The following ARHGEF12 variants were observed in gnomAD, a reference collection of about 807,000 sequenced individuals.
ARHGEF12 encodes the protein Rho guanine nucleotide exchange factor 12, also known as KMT2A/ARHGEF12 fusion protein.
ARHGEF12 carries 66 observed loss-of-function variants against 211.2 expected under a neutral mutation model. The observed-to-expected ratio is 0.31, with a 90% CI of 0.26 to 0.38. ARHGEF12 has a LOEUF of 0.38. Ranked by LOEUF, ARHGEF12 falls within the 10% of genes least tolerant of loss-of-function variation. The pLI, the probability that ARHGEF12 is intolerant of heterozygous loss-of-function variation, is 1.00. For missense variants in ARHGEF12, 1,429 were observed against 1,869.5 expected (o/e 0.76, Z 4.34); for synonymous variants, 592 against 638.4 (o/e 0.93, Z 1.09).
At position 120,431,895 on chromosome 11, in the gene ARHGEF12, G is replaced by C. The variant is rs751987560; in HGVS notation, c.908G>C (p.Ser303Thr). The change falls in exon 11 of 41, where the codon AGT becomes ACT. Residue 303 changes from serine (S) to threonine (T), a missense_variant. Physicochemically the swap from Ser to Thr is moderately conservative, Grantham distance 58 (BLOSUM62 1). Coordinates refer to ENST00000397843, the MANE Select transcript of ARHGEF12 (RefSeq NM_015313.3). ...DCSSGDASRP[S>T]SDNADSPKSG... ...AGCAGTGGAGATGCTTCTCGGCCCAGTAGTGACAATGCAGATGTAAGCTTT... is the reference window on the plus strand; with the variant it reads ...AGCAGTGGAGATGCTTCTCGGCCCACTAGTGACAATGCAGATGTAAGCTTT... 6.2e-7 allele frequency: 1 copy of C among 1,604,282 alleles called. No homozygotes were observed. Among genetic ancestry groups the C allele is most frequent in the Non-Finnish European group, 8.5e-7 (1 of 1,176,908 alleles).
intron 30 of ARHGEF12, among the ~76,000 whole-genome samples, chr11:120,472,187 C>T (rs995482617): frequency 5.3e-5 from 8 of 152,052 alleles, no homozygotes; most frequent in African/African-American, 1.9e-4. Context: ...ATGAGGAATA[C>T]ATATAGGAAT....
chr11:120,339,945 A>G (rs1251211341), intron 1 of ARHGEF12, among the ~76,000 whole-genome samples: 1 of 152,154 alleles, frequency 6.6e-6, no homozygotes, highest in African/African-American at 2.4e-5. Flanking sequence ...TTAAAACCTA[A>G]AACTCAAACT....
chr11:120,477,041 G>A (rs1171237860), intron 34 of ARHGEF12, 178 bp from the exon 35 acceptor site: 1 of 633,144 alleles, frequency 1.6e-6, no homozygotes, highest in Non-Finnish European at 2.7e-6. Context: ...CGCCTTAATA[G>A]TGTGTTGCCA....
chr11:120,445,967 C>T (rs898449734), intron 16 of ARHGEF12, among the ~76,000 whole-genome samples: 5 of 151,756 alleles, frequency 3.3e-5, no homozygotes, highest in South Asian at 2.1e-4. Context: ...TTTGGGAGGC[C>T]GAGGCGGGTG....
At chr11:120,432,714 T>C (rs1049842659) in intron 11 of ARHGEF12, among the ~76,000 whole-genome samples, 2 of 152,226 alleles carry the variant, frequency 1.3e-5, no homozygotes, top group Non-Finnish European at 1.5e-5. Flanking sequence ...CTTGGGACTT[T>C]TGTTACATAT....
chr11:120,365,019 T>G (rs1036512085), intron 1 of ARHGEF12, among the ~76,000 whole-genome samples: 3 of 152,042 alleles, frequency 2.0e-5, no homozygotes, highest in African/African-American at 7.2e-5. Flanking sequence ...ACTTCTGGAC[T>G]CAAGTGATTC....
chr11:120,372,379 C>A (rs1409189755), intron 1 of ARHGEF12, among the ~76,000 whole-genome samples: 1 of 151,952 alleles, frequency 6.6e-6, no homozygotes, highest in African/African-American at 2.4e-5. Context: ...CCATCTTTAA[C>A]ATTGGCTTGA....
At chr11:120,451,888 CTTAAG>C (rs987473952) in intron 22 of ARHGEF12, among the ~76,000 whole-genome samples, 164 bp downstream of exon 22, 5 of 152,204 alleles carry the variant, frequency 3.3e-5, no homozygotes, top group Non-Finnish European at 1.5e-5. Context: ...CGAATGATAA[CTTAAG>C]TTCTCATTTG....
chr11:120,340,845 G>A (rs1214666544), intron 1 of ARHGEF12, among the ~76,000 whole-genome samples: 1 of 152,300 alleles, frequency 6.6e-6, no homozygotes, highest in East Asian at 1.9e-4. Context: ...CACTTGTACA[G>A]TTTTACATGA....
At chr11:120,347,144 C>CT (rs113711181) in intron 1 of ARHGEF12, among the ~76,000 whole-genome samples, 13,300 of 64,760 alleles carry the variant, frequency 0.21, 1,722 homozygotes, top group African/African-American at 0.36. Context: ...TCCTTCCTTC[C>CT]TTCCTTCCTT....
At chr11:120,418,399 T>C (rs1945091067) in intron 4 of ARHGEF12, among the ~76,000 whole-genome samples, 1 of 152,260 alleles carries the variant, frequency 6.6e-6, no homozygotes, top group South Asian at 2.1e-4. Flanking sequence ...AGTAGTCCTT[T>C]TCTTCCTTCC....
intron 37 of ARHGEF12, 32 bp downstream of exon 37, chr11:120,478,421 T>G: frequency 6.4e-7 from 1 of 1,569,650 alleles, no homozygotes; most frequent in Non-Finnish European, 8.8e-7. Flanking sequence ...TTACAGATAC[T>G]TACTAAGTAT....
At chr11:120,338,499 A>G (rs1403995542) in intron 1 of ARHGEF12, among the ~76,000 whole-genome samples, 1 of 152,226 alleles carries the variant, frequency 6.6e-6, no homozygotes. Flanking sequence ...TAAAGTATTT[A>G]TATTTACTCT....
intron 1 of ARHGEF12, among the ~76,000 whole-genome samples, chr11:120,398,110 C>CAA (rs1472145747): frequency 6.6e-6 from 1 of 152,142 alleles, no homozygotes; most frequent in Non-Finnish European, 1.5e-5. Context: ...AAACGGCAGT[C>CAA]TCATTACTCA....
chr11:120,369,102 A>G (rs965971100), intron 1 of ARHGEF12, among the ~76,000 whole-genome samples: 8 of 148,004 alleles, frequency 5.4e-5, no homozygotes, highest in African/African-American at 1.5e-4. Context: ...CTAAAGTACT[A>G]TATTCTCAAA....
At chr11:120,350,580 T>G (rs1942905122) in intron 1 of ARHGEF12, among the ~76,000 whole-genome samples, 1 of 152,166 alleles carries the variant, frequency 6.6e-6, no homozygotes, top group South Asian at 2.1e-4. Context: ...TAATAATGAT[T>G]AAATTGATCT....
chr11:120,406,090 A>G, intron 1 of ARHGEF12, 28 bp from the exon 2 acceptor site: 1 of 1,515,200 alleles, frequency 6.6e-7, no homozygotes, highest in South Asian at 1.2e-5. Flanking sequence ...AAGTAACTAC[A>G]TCTATCCTTA....
rs564583312 is a variant in ARHGEF12 at position 120,440,058 on chromosome 11, G to A, written c.1000-71G>A. 8.6e-5 allele frequency: 92 copies of A among 1,072,986 alleles called. 1 individual carries two copies. In the African/African-American group the frequency reaches 1.2e-3, roughly 14 times the overall value. The allele number at this position is 1,072,986 out of a possible 1,614,324, so 66.5% of individuals were successfully genotyped here. On this transcript the variant is annotated intron_variant, in intron 12 of 40. Transcript: ENST00000397843. ...TAAGTGAACCATGTCTTTTTGATGG[G>A]TTGGCTTTATTCTTTTTCTAAATTT...
chr11:120,484,457 C>T lies in ARHGEF12; in HGVS notation c.4574C>T (p.Thr1525Ile). The T allele has an allele frequency of 6.2e-7, 1 of 1,614,030 alleles. No individual in the cohort carries two copies. The highest frequency in any genetic ancestry group is 8.5e-7 in the Non-Finnish European group (1 of 1,180,008). ...TCACAGAAGGTGGAGGAAAGTTACA[C>T]CATTCTTTGCCAAAGGCTGGCTGGA... The part of the protein sequence containing the change: ...EHLKKVEESY[T>I]ILCQRLAGSA... The change falls in exon 40 of 41, where the codon ACC becomes ATC. Residue 1525 changes from threonine to isoleucine, a missense_variant. Physicochemically the swap from Thr to Ile is moderately conservative, Grantham distance 89 (BLOSUM62 -1). Around this residue, in one of 7 missense-constraint regions of ARHGEF12, gnomAD observed 467 missense variants for 468.4 expected, o/e 1.00. Transcript: ENST00000397843.
Sources: allele counts gnomAD v4.1 joint callset (sites outside exome capture counted in the v4.1 genomes callset), GRCh38; gene constraint gnomAD v4.1.1; regional missense constraint gnomAD v4.1.1; transcripts MANE v1.5; gene names NCBI Gene and HGNC (gene_info 2026-07-23, HGNC 2026-07-21).